Variants in HSD17B4 observed in about 807,000 individuals in gnomAD.
The protein encoded by HSD17B4 is peroxisomal multifunctional enzyme type 2.
A neutral mutation model predicts 101.0 loss-of-function variants in HSD17B4; 70 were observed. That is an observed-to-expected ratio of 0.69 (90% CI 0.57 to 0.85). The LOEUF is 0.85. Among genes scored for constraint, HSD17B4 ranks in the 40% least tolerant of loss-of-function variants. The probability of loss-of-function intolerance (pLI) is 0.00; values close to 1 mark genes in which losing one functional copy is unlikely to be tolerated. For missense variants in HSD17B4, 984 were observed against 892.4 expected, an observed-to-expected ratio of 1.10 and a Z score of -1.31; for synonymous variants, 347 against 297.1, an observed-to-expected ratio of 1.17 and a Z score of -1.73.
intron 23 of HSD17B4, among the ~76,000 whole-genome samples, chr5:119,540,540 C>G (rs548108074): frequency 6.6e-6 from 1 of 152,238 alleles, no homozygotes; most frequent in African/African-American, 2.4e-5. Flanking sequence ...GCAGGCTGGC[C>G]TAAGTACTGA....
At chr5:119,529,726 T>C (rs1429553453) in intron 20 of HSD17B4, among the ~76,000 whole-genome samples, 168 bp from the exon 21 acceptor site, 1 of 152,244 alleles carries the variant, frequency 6.6e-6, no homozygotes, top group Non-Finnish European at 1.5e-5. Context: ...AGCCTTTATG[T>C]TTGTTCATCT....
intron 21 of HSD17B4, among the ~76,000 whole-genome samples, chr5:119,530,337 A>G (rs1753956466): frequency 6.6e-6 from 1 of 152,166 alleles, no homozygotes; most frequent in Non-Finnish European, 1.5e-5. Context: ...AAAGGTTTAT[A>G]TAAAGTTTTG....
chr5:119,468,847 T>C (rs1756069209), intron 2 of HSD17B4, among the ~76,000 whole-genome samples: 1 of 151,850 alleles, frequency 6.6e-6, no homozygotes, highest in Non-Finnish European at 1.5e-5. Flanking sequence ...TCAAAAGTCC[T>C]GTCTTTGAGT....
chr5:119,518,963 C>T (rs1396057362), intron 17 of HSD17B4, among the ~76,000 whole-genome samples: 2 of 151,796 alleles, frequency 1.3e-5, no homozygotes, highest in African/African-American at 4.8e-5. Flanking sequence ...CTTGTCTCCA[C>T]TAAAAGTAAT....
rs1449368417 is a variant in HSD17B4 at position 119,527,181 on chromosome 5, A to G, written c.1729A>G (p.Met577Val). The G allele has an allele frequency of 1.9e-6, 3 of 1,610,192 alleles. No individual in the cohort carries two copies. The highest frequency in any genetic ancestry group is 1.3e-5 in the African/African-American group (1 of 74,772). The stretch of plus-strand genomic sequence containing the variant: ...TCCAGGACAAACTCTACAAACTGAG[A>G]TGTGGAAGGAAGGAAACAGAATTCA... ...VYPGQTLQTE[M>V]WKEGNRIHFQ... The change falls in exon 20 of 24, where the codon ATG becomes GTG. Residue 577 changes from methionine to valine, a missense_variant. By Grantham distance (21) the Met-to-Val change is conservative. Transcript: ENST00000510025.
intron 17 of HSD17B4, among the ~76,000 whole-genome samples, chr5:119,517,125 C>T (rs1375123468): frequency 3.3e-5 from 5 of 151,960 alleles, no homozygotes; most frequent in Non-Finnish European, 5.9e-5. Context: ...TAGCGGGAAC[C>T]GGGGCTGCGC....
intron 2 of HSD17B4, chr5:119,471,803 G>C: frequency 1.6e-6 from 1 of 613,710 alleles, no homozygotes; most frequent in East Asian, 2.9e-5. Flanking sequence ...ATAAATTATT[G>C]TGTAAATTAA....
chr5:119,499,554 G>T lies in HSD17B4; in HGVS notation c.1209+1G>T. The T allele has an allele frequency of 6.4e-7, 1 of 1,569,726 alleles. No homozygotes were observed. The highest frequency in any genetic ancestry group is 2.2e-5 in the East Asian group (1 of 44,614). On this transcript the variant is annotated splice_donor_variant, in intron 13 of 23. Coordinates refer to ENST00000510025, the MANE Select transcript of HSD17B4 (RefSeq NM_000414.4). LOFTEE classifies it high-confidence loss of function. ...TGGACTTTCAATCAACTTTGCAAAGGTATGCCTAATAAAAAACCTTTATTT... is the reference window on the plus strand; with the variant it reads ...TGGACTTTCAATCAACTTTGCAAAGTTATGCCTAATAAAAAACCTTTATTT...
chr5:119,474,012 T>C lies in HSD17B4; in HGVS notation c.217T>C (p.Tyr73His). The stretch of plus-strand genomic sequence containing the variant: ...GAGAGGTGGAAAAGCAGTGGCCAAC[T>C]ATGGTATGGTATTTGAGAGAACTAT... ...RRRGGKAVAN[Y>H]DSVEEGEKVV... Residue 73 changes from tyrosine to histidine, a missense_variant, in exon 3 of 24, where the codon TAT (tyrosine) becomes CAT (histidine). Coordinates refer to ENST00000510025, the MANE Select transcript of HSD17B4 (RefSeq NM_000414.4). 1.3e-6 allele frequency: 2 copies of C among 1,491,408 alleles called. No individual in the cohort carries two copies. Among genetic ancestry groups the C allele is most frequent in the Non-Finnish European group, 1.9e-6 (2 of 1,069,232 alleles). The allele number at this position is 1,491,408 out of a possible 1,614,324, so 92.4% of individuals were successfully genotyped here. A position where few individuals can be genotyped will look rare whatever the true frequency, so the allele number is the denominator to read the frequency against.
At chr5:119,475,495 G>A (rs943969277) in intron 4 of HSD17B4, among the ~76,000 whole-genome samples, 11 of 152,004 alleles carry the variant, frequency 7.2e-5, no homozygotes, top group African/African-American at 2.7e-4. Flanking sequence ...TAGTTTGAGA[G>A]GAAGGTGCTT....
At chr5:119,483,997 G>C (rs987156259) in intron 8 of HSD17B4, among the ~76,000 whole-genome samples, 1 of 152,078 alleles carries the variant, frequency 6.6e-6, no homozygotes, top group Non-Finnish European at 1.5e-5. Context: ...CATTTTTGTT[G>C]TTATAGCTCT....
rs1380034383 is a variant in HSD17B4 at position 119,471,657 on chromosome 5, C to A, written c.113-2251C>A. ...ACAGCTTTCAAAATCTATGCAATAACCCTATGGAGAAGATCATTTCACAAT... is the reference window on the plus strand; with the variant it reads ...ACAGCTTTCAAAATCTATGCAATAAACCTATGGAGAAGATCATTTCACAAT... On this transcript the variant is annotated intron_variant, in intron 2 of 23. Transcript: ENST00000510025. 6.9e-6 allele frequency: 10 copies of A among 1,445,920 alleles called. No homozygotes were observed. The Admixed American group carries it at 1.8e-4, about 26-fold the overall frequency. The allele number at this position is 1,445,920 out of a possible 1,614,324, so 89.6% of individuals were successfully genotyped here.
At chr5:119,469,970 G>A (rs1157632139) in intron 2 of HSD17B4, among the ~76,000 whole-genome samples, 2 of 152,164 alleles carry the variant, frequency 1.3e-5, no homozygotes, top group Admixed American at 1.3e-4. Context: ...TGGTGGGTGA[G>A]CATGGTGCAT....
In HSD17B4 at chr5:119,514,970, C is replaced by G; in HGVS notation, c.1438-11C>G. On this transcript the variant is annotated splice_polypyrimidine_tract_variant and intron_variant, in intron 16 of 23. Coordinates refer to ENST00000510025, the MANE Select transcript of HSD17B4 (RefSeq NM_000414.4). Reference sequence around the variant, plus strand: ...GTATTTAAGATTTAACATGTAATGTCTTAATTTTAGGTAGCTGTAGCCATA... The same window carrying G: ...GTATTTAAGATTTAACATGTAATGTGTTAATTTTAGGTAGCTGTAGCCATA... 6.9e-7 allele frequency: 1 copy of G among 1,456,002 alleles called. No homozygotes were observed. Among genetic ancestry groups the G allele is most frequent in the African/African-American group, 1.4e-5 (1 of 71,768 alleles). The allele number at this position is 1,456,002 out of a possible 1,614,324, so 90.2% of individuals were successfully genotyped here. A position where few individuals can be genotyped will look rare whatever the true frequency, so the allele number is the denominator to read the frequency against.
chr5:119,488,970 G>T (rs1360452457), intron 8 of HSD17B4, among the ~76,000 whole-genome samples: 1 of 152,080 alleles, frequency 6.6e-6, no homozygotes, highest in Non-Finnish European at 1.5e-5. Flanking sequence ...ATCTTGGAAA[G>T]GTGTGTCTGA....
chr5:119,540,729 C>T (rs953339066), intron 23 of HSD17B4, among the ~76,000 whole-genome samples: 5 of 152,120 alleles, frequency 3.3e-5, no homozygotes, highest in Non-Finnish European at 5.9e-5. Context: ...CTCCAGTTCA[C>T]GAGGGTTTGC....
chr5:119,487,813 A>G (rs771976792), intron 8 of HSD17B4, among the ~76,000 whole-genome samples: 2 of 152,166 alleles, frequency 1.3e-5, no homozygotes, highest in Non-Finnish European at 2.9e-5. Flanking sequence ...GAGGAATGTT[A>G]TGTATTGAGA....
intron 12 of HSD17B4, among the ~76,000 whole-genome samples, chr5:119,496,955 C>G (rs1320732079): frequency 6.6e-6 from 1 of 152,154 alleles, no homozygotes; most frequent in Admixed American, 6.5e-5. Flanking sequence ...CTTTATTTGT[C>G]TTTTTAGTTT....
intron 15 of HSD17B4, among the ~76,000 whole-genome samples, chr5:119,507,783 C>CAA (rs199606262): frequency 1.2e-4 from 14 of 116,876 alleles, no homozygotes; most frequent in African/African-American, 4.0e-4. Context: ...GACTCTGTAC[C>CAA]AAAAAAAAAA....
Sources: gnomAD v4.1 joint callset for allele counts (sites outside exome capture counted in the v4.1 genomes callset) on GRCh38, gnomAD v4.1.1 for gene constraint, MANE v1.5 for transcripts, NCBI Gene and HGNC (gene_info 2026-07-23, HGNC 2026-07-21) for gene names.